The following FCRL1 variants were observed in gnomAD, a reference collection of about 807,000 sequenced individuals.
FCRL1 encodes Fc receptor like 1.
A neutral mutation model predicts 49.2 loss-of-function variants in FCRL1; 34 were observed. The ratio of observed to expected loss-of-function variants is 0.69; its 90% CI spans 0.53 to 0.92. The LOEUF is 0.92. Among genes scored for constraint, FCRL1 ranks in the 40% least tolerant of loss-of-function variants. The pLI, the probability that FCRL1 is intolerant of heterozygous loss-of-function variation, is 0.00. For synonymous variants in FCRL1, 218 were observed against 201.6 expected, an observed-to-expected ratio of 1.08 and a Z score of -0.69; for missense variants, 524 against 524.1, an observed-to-expected ratio of 1.00 and a Z score of 0.00.
chr1:157,806,182 C>T (rs1403595379), intron 2 of FCRL1, among the ~76,000 whole-genome samples: 1 of 152,182 alleles, frequency 6.6e-6, no homozygotes, highest in Non-Finnish European at 1.5e-5. Context: ...ACAAGGCATG[C>T]ATGGTGTTAA....
At chr1:157,801,367 A>G in intron 6 of FCRL1, 94 bp downstream of exon 6, 1 of 823,442 alleles carries the variant, frequency 1.2e-6, no homozygotes, top group Non-Finnish European at 2.1e-6. Context: ...TTAACAGCAT[A>G]TACATCTTTT....
At chr1:157,800,946 C>CAGTG (rs1286076857) in intron 6 of FCRL1, among the ~76,000 whole-genome samples, 1 of 152,010 alleles carries the variant, frequency 6.6e-6, no homozygotes, top group East Asian at 1.9e-4. Context: ...GGCTAGAGTG[C>CAGTG]AGTGCCGTGA....
In FCRL1 at chr1:157,795,924, G is replaced by A; in HGVS notation, c.*175C>T. 3.5e-6 allele frequency: 2 copies of A among 578,584 alleles called. No individual in the cohort carries two copies. Among genetic ancestry groups the A allele is most frequent in the South Asian group, 4.8e-5 (2 of 41,548 alleles). The allele number at this position is 578,584 out of a possible 1,614,324, so 35.8% of individuals were successfully genotyped here. A position where few individuals can be genotyped will look rare whatever the true frequency, so the allele number is the denominator to read the frequency against. On this transcript the variant is annotated 3_prime_UTR_variant, in exon 11 of 11. Transcript: ENST00000368176. ...CTGTGTCTATTAGTTCTCCTAGGTA[G>A]TTTCTTCAGGGCTGCGCCAACTTCA... is the stretch of plus-strand genomic sequence containing the variant.
intron 1 of FCRL1, among the ~76,000 whole-genome samples, chr1:157,809,612 C>T (rs1463107245): frequency 6.6e-6 from 1 of 152,110 alleles, no homozygotes; most frequent in South Asian, 2.1e-4. Context: ...GCCACCACAC[C>T]CAGCTAATTT....
At position 157,798,003 on chromosome 1, in the gene FCRL1, T is replaced by C. The variant is rs373693889; in HGVS notation, c.1115-64A>G. ...GATTCCTGTCTTTCAAATTACTCCATACCTTCCACCTGTCACAGCCATGAA... is the reference window on the plus strand; with the variant it reads ...GATTCCTGTCTTTCAAATTACTCCACACCTTCCACCTGTCACAGCCATGAA... On this transcript the variant is annotated intron_variant, in intron 8 of 10. Coordinates refer to ENST00000368176, the MANE Select transcript of FCRL1 (RefSeq NM_052938.5). 1.8e-5 allele frequency: 28 copies of C among 1,552,620 alleles called. No individual in the cohort carries two copies. The South Asian group carries it at 3.0e-4, about 17-fold the overall frequency.
intron 1 of FCRL1, among the ~76,000 whole-genome samples, chr1:157,819,674 C>T (rs1270638306): frequency 6.6e-6 from 1 of 151,920 alleles, no homozygotes; most frequent in Non-Finnish European, 1.5e-5. Flanking sequence ...GTAAGAAGGG[C>T]AAGGAATTCA....
In FCRL1 at chr1:157,796,186, A is replaced by G. The variant is rs1651439560; in HGVS notation, c.1219-16T>C. On this transcript the variant is annotated splice_polypyrimidine_tract_variant and intron_variant, in intron 10 of 10. Transcript: ENST00000368176. ...CTAAGGAAACCTGGAAGCAAAGATTAGGACTAGAGCAGGGAAGACAAGCAG... is the reference window on the plus strand; with the variant it reads ...CTAAGGAAACCTGGAAGCAAAGATTGGGACTAGAGCAGGGAAGACAAGCAG... 3.1e-6 allele frequency: 5 copies of G among 1,610,680 alleles called. No individual in the cohort carries two copies. Among genetic ancestry groups the G allele is most frequent in the Non-Finnish European group, 4.2e-6 (5 of 1,177,058 alleles).
intron 1 of FCRL1, among the ~76,000 whole-genome samples, chr1:157,813,263 A>G (rs1571408216): frequency 6.6e-6 from 1 of 152,250 alleles, no homozygotes; most frequent in East Asian, 1.9e-4. Context: ...AACTAACTGG[A>G]GATTTATTAA....
chr1:157,802,174 G>C lies in FCRL1; in HGVS notation c.627C>G (p.Ile209Met), dbSNP rs773446264. 47 of 1,613,740 alleles carry C rather than the reference G, an allele frequency of 2.9e-5. No homozygotes were observed. The highest frequency in any genetic ancestry group is 4.0e-5 in the Non-Finnish European group (47 of 1,179,768). The change falls in exon 5 of 11, where the codon ATC (isoleucine) becomes ATG (methionine). Residue 209 changes from isoleucine (I) to methionine (M), a missense_variant. Transcript: ENST00000368176. ...GGGCCCTGGGAGCCCTGAGCATGAGGATTGGGCGAGACACCGGGACTGAGG... is the reference window on the plus strand; with the variant it reads ...GGGCCCTGGGAGCCCTGAGCATGAGCATTGGGCGAGACACCGGGACTGAGG... ...ITVRIPVSRP[I>M]LMLRAPRAQA...
intron 9 of FCRL1, 154 bp downstream of exon 9, chr1:157,797,714 C>T (rs537233057): frequency 1.3e-6 from 2 of 1,544,416 alleles, no homozygotes; most frequent in Admixed American, 1.9e-5. Flanking sequence ...CTCAAGGTAG[C>T]TCCAGACCCA....
intron 8 of FCRL1, 33 bp from the exon 9 acceptor site, chr1:157,797,972 G>T: frequency 6.2e-7 from 1 of 1,602,660 alleles, no homozygotes; most frequent in Non-Finnish European, 8.5e-7. Context: ...TCATGACACA[G>T]CCCCTGATTC....
Position 157,805,572 on chromosome 1 carries a change from A to T in FCRL1, c.53-1461T>A, listed in dbSNP as rs533403694. 7.4e-4 allele frequency among the ~76,000 whole-genome samples: 113 copies of T among 152,296 alleles called. 1 individual carries two copies. Among genetic ancestry groups the T allele is most frequent in the African/African-American group, 2.6e-3 (110 of 41,572 alleles). On this transcript the variant is annotated intron_variant, in intron 2 of 10. Coordinates refer to ENST00000368176, the MANE Select transcript of FCRL1 (RefSeq NM_052938.5). ...TCCCCAGAAGACTGACCAGTAGCACAGCTCTTGGAGCTAGGCAGGGCAATA... is the reference window on the plus strand; with the variant it reads ...TCCCCAGAAGACTGACCAGTAGCACTGCTCTTGGAGCTAGGCAGGGCAATA...
intron 1 of FCRL1, among the ~76,000 whole-genome samples, chr1:157,818,060 C>G (rs1332333625): frequency 6.6e-6 from 1 of 152,008 alleles, no homozygotes; most frequent in Non-Finnish European, 1.5e-5. Flanking sequence ...GTAGGTGGGA[C>G]TGTAAATTAG....
chr1:157,799,673 G>A (rs1048561815), intron 7 of FCRL1, among the ~76,000 whole-genome samples: 2 of 152,006 alleles, frequency 1.3e-5, no homozygotes, highest in Non-Finnish European at 2.9e-5. Context: ...GATAGCATTA[G>A]GAGATATACC....
At chr1:157,805,582 G>T (rs1340111870) in intron 2 of FCRL1, among the ~76,000 whole-genome samples, 1 of 152,168 alleles carries the variant, frequency 6.6e-6, no homozygotes. Flanking sequence ...AGCTCTTGGA[G>T]CTAGGCAGGG....
chr1:157,800,889 A>G (rs981741773), intron 6 of FCRL1, among the ~76,000 whole-genome samples: 2 of 151,116 alleles, frequency 1.3e-5, no homozygotes, highest in African/African-American at 4.9e-5. Flanking sequence ...TTAAATAGTT[A>G]CATTCGTTTG....
At position 157,802,180 on chromosome 1, in the gene FCRL1, G is replaced by A; in HGVS notation, c.621C>T (p.Arg207=). Reference sequence around the variant, plus strand: ...TGGGAGCCCTGAGCATGAGGATTGGGCGAGACACCGGGACTGAGGGAGACA... The same window carrying A: ...TGGGAGCCCTGAGCATGAGGATTGGACGAGACACCGGGACTGAGGGAGACA... ...VSITVRIPVS[R]PILMLRAPRA... Residue 207 remains arginine (R), a synonymous_variant, in exon 5 of 11, where the codon CGC becomes CGT. Transcript: ENST00000368176. 6.2e-7 allele frequency: 1 copy of A among 1,613,520 alleles called. No homozygotes were observed. Among genetic ancestry groups the A allele is most frequent in the Non-Finnish European group, 8.5e-7 (1 of 1,179,658 alleles).
At chr1:157,806,123 T>G (rs1653398028) in intron 2 of FCRL1, among the ~76,000 whole-genome samples, 2 of 152,324 alleles carry the variant, frequency 1.3e-5, no homozygotes, top group South Asian at 4.1e-4. Context: ...GGATTTCTGC[T>G]TAGGCTGAGA....
At position 157,802,507 on chromosome 1, in the gene FCRL1, C is replaced by G; in HGVS notation, c.477G>C (p.Lys159Asn). 1 of 1,614,216 alleles carries G rather than the reference C, an allele frequency of 6.2e-7. No homozygotes were observed. The highest frequency in any genetic ancestry group is 2.2e-5 in the East Asian group (1 of 44,880). Residue 159 changes from lysine to asparagine, a missense_variant, in exon 4 of 11, where the codon AAG (lysine) becomes AAC (asparagine). By Grantham distance (94) the Lys-to-Asn change is moderately conservative. Coordinates refer to ENST00000368176, the MANE Select transcript of FCRL1 (RefSeq NM_052938.5). ...ACTCTGCTGTCAGTGAACGCTGGGT[C>G]TTTGACTGAAGGTTTAAACCTACAG... ...KGAVGLNLQS[K>N]TQRSLTAEYE...
Sources: allele counts gnomAD v4.1 joint callset (sites outside exome capture counted in the v4.1 genomes callset), GRCh38; gene constraint gnomAD v4.1.1; transcripts MANE v1.5; gene names NCBI Gene and HGNC (gene_info 2026-07-23, HGNC 2026-07-21).